NELL1: variants seen among roughly 807,000 people sequenced by gnomAD.
NELL1 encodes the protein neural EGFL like 1, also known as protein kinase C-binding protein NELL1.
In NELL1, 76 loss-of-function variants were observed where a neutral mutation model predicts 107.4. That is an observed-to-expected ratio of 0.71 (90% CI 0.59 to 0.86). NELL1 has a LOEUF of 0.86. Among genes scored for constraint, NELL1 ranks in the 40% least tolerant of loss-of-function variants. The pLI is 0.00. For missense variants in NELL1, 1,024 were observed against 1,005.5 expected (o/e 1.02, Z -0.25); for synonymous variants, 353 against 341.2 (o/e 1.03, Z -0.38).
In NELL1 at chr11:20,840,847, T is replaced by G. The variant is rs1355456407; in HGVS notation, c.336-6736T>G. Among the ~76,000 whole-genome samples, 3 of 152,322 alleles carry G rather than the reference T, an allele frequency of 2.0e-5. No homozygotes were observed. The East Asian group carries it at 5.8e-4, about 29-fold the overall frequency. ...TATGCCAGATGGGAGATATTGTGTC[T>G]CAAAATACAGTTTTCCCAACAGAAT... On this transcript the variant is annotated intron_variant, in intron 3 of 19. Transcript: ENST00000357134.
At chr11:20,914,080 T>C (rs1213430723) in intron 5 of NELL1, among the ~76,000 whole-genome samples, 1 of 152,126 alleles carries the variant, frequency 6.6e-6, no homozygotes, top group African/African-American at 2.4e-5. Flanking sequence ...TATTTTTACC[T>C]ACAGCATATT....
intron 13 of NELL1, among the ~76,000 whole-genome samples, chr11:21,155,478 T>A (rs1200712296): frequency 1.3e-5 from 2 of 152,118 alleles, no homozygotes; most frequent in Non-Finnish European, 2.9e-5. Flanking sequence ...AGGAAAAGTA[T>A]GTAGCCAAGG....
chr11:20,684,807 A>G (rs1854269631), intron 2 of NELL1, among the ~76,000 whole-genome samples: 1 of 152,106 alleles, frequency 6.6e-6, no homozygotes, highest in Non-Finnish European at 1.5e-5. Flanking sequence ...TTAGGGTAGA[A>G]CTAATTATTT....
chr11:21,044,480 G>A (rs907265632), intron 12 of NELL1, among the ~76,000 whole-genome samples: 6 of 152,124 alleles, frequency 3.9e-5, no homozygotes, highest in African/African-American at 1.4e-4. Context: ...GGCAGATCAG[G>A]GGACAAATGG....
At chr11:21,524,501 A>G (rs1855802437) in intron 15 of NELL1, among the ~76,000 whole-genome samples, 2 of 152,196 alleles carry the variant, frequency 1.3e-5, no homozygotes, top group South Asian at 4.1e-4. Flanking sequence ...TCTTGGTGGA[A>G]TTAAGATTTG....
intron 11 of NELL1, among the ~76,000 whole-genome samples, chr11:20,955,948 C>A (rs1184925888): frequency 6.6e-6 from 1 of 152,062 alleles, no homozygotes; most frequent in African/African-American, 2.4e-5. Flanking sequence ...GGGCCAGGCA[C>A]GATGGCTCAT....
chr11:21,156,427 G>T (rs935889172), intron 13 of NELL1, among the ~76,000 whole-genome samples: 3 of 152,146 alleles, frequency 2.0e-5, no homozygotes, highest in African/African-American at 7.2e-5. Context: ...GAGTTTAAGT[G>T]ATGGACAGTG....
At chr11:21,158,779 T>C (rs1244291113) in intron 13 of NELL1, among the ~76,000 whole-genome samples, 1 of 152,222 alleles carries the variant, frequency 6.6e-6, no homozygotes, top group African/African-American at 2.4e-5. Flanking sequence ...GCTGCCTTTA[T>C]TAAATTCATA....
intron 15 of NELL1, among the ~76,000 whole-genome samples, chr11:21,484,029 A>ATATG (rs1458508019): frequency 4.9e-5 from 6 of 122,314 alleles, no homozygotes; most frequent in Non-Finnish European, 1.0e-4. Context: ...ATATATATAT[A>ATATG]TATGTCAAAT....
chr11:20,767,257 G>A (rs536706624), intron 2 of NELL1, among the ~76,000 whole-genome samples: 82 of 152,284 alleles, frequency 5.4e-4, no homozygotes, highest in South Asian at 3.7e-3. Flanking sequence ...AAGAGCGAAA[G>A]AACAAAGCTT....
At chr11:21,352,513 A>G in intron 14 of NELL1, among the ~76,000 whole-genome samples, 1 of 152,142 alleles carries the variant, frequency 6.6e-6, no homozygotes, top group East Asian at 1.9e-4. Context: ...CTTTATTAGG[A>G]AAAACTCAAT....
chr11:20,705,912 A>C (rs993202359), intron 2 of NELL1, among the ~76,000 whole-genome samples: 8 of 152,230 alleles, frequency 5.3e-5, no homozygotes, highest in Non-Finnish European at 1.2e-4. Flanking sequence ...GACACGTGAA[A>C]AAATGCTCAT....
intron 15 of NELL1, among the ~76,000 whole-genome samples, chr11:21,510,658 C>G (rs566236086): frequency 1.3e-5 from 2 of 152,244 alleles, no homozygotes; most frequent in Admixed American, 1.3e-4. Context: ...ATACCTGTGA[C>G]TGAGGTCCCT....
chr11:21,357,663 A>G (rs1850968073), intron 14 of NELL1, among the ~76,000 whole-genome samples: 1 of 152,048 alleles, frequency 6.6e-6, no homozygotes, highest in South Asian at 2.1e-4. Context: ...AGTCCTATCT[A>G]TTTATGTTTG....
intron 12 of NELL1, among the ~76,000 whole-genome samples, chr11:21,068,889 C>T (rs919049980): frequency 1.1e-4 from 16 of 152,130 alleles, no homozygotes; most frequent in African/African-American, 2.2e-4. Flanking sequence ...ATGAGGCTTT[C>T]GGGGCCTGGG....
chr11:20,914,662 G>C (rs1270013536), intron 5 of NELL1, among the ~76,000 whole-genome samples: 1 of 152,096 alleles, frequency 6.6e-6, no homozygotes, highest in African/African-American at 2.4e-5. Context: ...GCCCTTGGCG[G>C]AGAGAAGGGG....
In NELL1 at chr11:21,225,092, T is replaced by C. The variant is rs78964164; in HGVS notation, c.1427-4240T>C. 8.1e-3 allele frequency among the ~76,000 whole-genome samples: 1,236 copies of C among 152,228 alleles called. 24 individuals carry two copies. The highest frequency in any genetic ancestry group is 0.028 in the African/African-American group (1,174 of 41,536). On this transcript the variant is annotated intron_variant, in intron 13 of 19. Transcript: ENST00000357134. ...GGTAATGGTATCATTTCTGTGTCCA[T>C]CTCATGTCACGATGCTGCAACCTTC...
intron 13 of NELL1, among the ~76,000 whole-genome samples, chr11:21,133,621 T>TC (rs1477876135): frequency 6.6e-6 from 1 of 151,898 alleles, no homozygotes; most frequent in Non-Finnish European, 1.5e-5. Context: ...CCCTGAGCCC[T>TC]CGCTCACCTG....
chr11:21,331,753 A>G (rs1384559717), intron 14 of NELL1, among the ~76,000 whole-genome samples: 1 of 151,922 alleles, frequency 6.6e-6, no homozygotes. Context: ...AGGTCTCTTT[A>G]TTGCTGTCTC....
Sources: allele counts gnomAD v4.1 joint callset (sites outside exome capture counted in the v4.1 genomes callset), GRCh38; gene constraint gnomAD v4.1.1; transcripts MANE v1.5; gene names NCBI Gene and HGNC (gene_info 2026-07-23, HGNC 2026-07-21).